The following HTRA1 variants were observed in gnomAD, a reference collection of about 807,000 sequenced individuals.
HTRA1 encodes HtrA serine peptidase 1.
HTRA1 carries 26 observed loss-of-function variants against 49.7 expected under a neutral mutation model. That is an observed-to-expected ratio of 0.52 (90% CI 0.38 to 0.73). The LOEUF (loss-of-function observed/expected upper bound fraction) is 0.73, where lower values mean the gene tolerates loss of function less well. HTRA1 is among the 30% of genes least tolerant of loss of function. HTRA1 has a pLI of 0.00. For synonymous variants in HTRA1, 291 were observed against 286.9 expected, an observed-to-expected ratio of 1.01 and a Z score of -0.14; for missense variants, 561 against 667.2, an observed-to-expected ratio of 0.84 and a Z score of 1.75.
chr10:122,500,495 C>A (rs1163689380), intron 3 of HTRA1, among the ~76,000 whole-genome samples: 1 of 152,180 alleles, frequency 6.6e-6, no homozygotes, highest in Admixed American at 6.5e-5. Flanking sequence ...TCCAGAGAAG[C>A]TAATCAAGTG....
intron 3 of HTRA1, among the ~76,000 whole-genome samples, chr10:122,504,176 T>C (rs2142309): frequency 0.83 from 126,476 of 152,234 alleles, 52,946 homozygotes; most frequent in Non-Finnish European, 0.89. Context: ...CATCCCTGCC[T>C]GGGGGCTCCC....
At chr10:122,485,150 A>G (rs912390134) in intron 1 of HTRA1, among the ~76,000 whole-genome samples, 7 of 152,232 alleles carry the variant, frequency 4.6e-5, no homozygotes, top group Admixed American at 1.3e-4. Flanking sequence ...GCGTTTGGAC[A>G]AGCCAAATAT....
At chr10:122,489,736 A>G (rs2097494895) in intron 3 of HTRA1, 110 bp downstream of exon 3, 2 of 975,842 alleles carry the variant, frequency 2.0e-6, no homozygotes, top group Non-Finnish European at 3.2e-6. Flanking sequence ...CACTGAAGCC[A>G]GTCTGAGCCA....
At chr10:122,507,453 G>A (rs1020646681) in intron 5 of HTRA1, 51 bp downstream of exon 5, 7 of 1,370,988 alleles carry the variant, frequency 5.1e-6, no homozygotes, top group East Asian at 4.6e-5. Flanking sequence ...CTATGTATAC[G>A]CTGTTTTTTG....
intron 2 of HTRA1, among the ~76,000 whole-genome samples, chr10:122,489,207 C>T (rs2097494563): frequency 2.0e-5 from 3 of 152,148 alleles, no homozygotes; most frequent in East Asian, 1.9e-4. Flanking sequence ...TAAAGAACCT[C>T]GGGCTCTGAA....
chr10:122,514,102 G>A, intron 8 of HTRA1, 89 bp from the exon 9 acceptor site: 2 of 1,309,858 alleles, frequency 1.5e-6, no homozygotes, highest in Non-Finnish European at 1.1e-6. Context: ...GGGCTTTTAG[G>A]TTCTAAGCTG....
In HTRA1 at chr10:122,479,633, G is replaced by A. The variant is rs17103575; in HGVS notation, c.473-9269G>A. Among the ~76,000 whole-genome samples, 1,254 of 152,216 alleles carry A rather than the reference G, an allele frequency of 8.2e-3. 42 individuals carry two copies. Among genetic ancestry groups the A allele is most frequent in the Admixed American group, 0.055 (843 of 15,284 alleles). ...CGAGGAGAATGAGATCATCCAGGCC[G>A]GAAGGAAAAGAGACATGAATGCAGG... is the stretch of plus-strand genomic sequence containing the variant. On this transcript the variant is annotated intron_variant, in intron 1 of 8. Coordinates refer to ENST00000368984, the MANE Select transcript of HTRA1 (RefSeq NM_002775.5).
At chr10:122,508,803 G>A (rs775861203) in intron 6 of HTRA1, 33 bp downstream of exon 6, 60 of 1,292,204 alleles carry the variant, frequency 4.6e-5, no homozygotes, top group Middle Eastern at 1.8e-4. Context: ...TGGGGACTCC[G>A]GAGATGGGGC....
At chr10:122,479,489 C>T (rs543257887) in intron 1 of HTRA1, among the ~76,000 whole-genome samples, 2 of 152,176 alleles carry the variant, frequency 1.3e-5, no homozygotes, top group South Asian at 4.2e-4. Flanking sequence ...AATATTTGTG[C>T]CTATTATTGG....
chr10:122,510,972 C>T (rs1016543896), intron 7 of HTRA1, among the ~76,000 whole-genome samples: 2 of 152,196 alleles, frequency 1.3e-5, no homozygotes, highest in African/African-American at 2.4e-5. Context: ...GCCTTTGGAA[C>T]TACGAGGTGT....
At chr10:122,509,322 AG>A (rs952016536) in intron 6 of HTRA1, among the ~76,000 whole-genome samples, 1 of 152,234 alleles carries the variant, frequency 6.6e-6, no homozygotes, top group Non-Finnish European at 1.5e-5. Flanking sequence ...AAAACGGATC[AG>A]GGTGGCCGTC....
At chr10:122,472,746 C>T (rs901546858) in intron 1 of HTRA1, among the ~76,000 whole-genome samples, 2 of 152,122 alleles carry the variant, frequency 1.3e-5, no homozygotes, top group African/African-American at 2.4e-5. Context: ...TAACTGTTCC[C>T]CTGTTCACAT....
chr10:122,467,969 G>A (rs2097484439), intron 1 of HTRA1, among the ~76,000 whole-genome samples: 1 of 152,194 alleles, frequency 6.6e-6, no homozygotes, highest in African/African-American at 2.4e-5. Flanking sequence ...GTAAGTGGCT[G>A]CGAAGAGGCA....
chr10:122,463,445 G>A (rs931211602), intron 1 of HTRA1, among the ~76,000 whole-genome samples: 2 of 152,162 alleles, frequency 1.3e-5, no homozygotes, highest in Admixed American at 6.5e-5. Context: ...TCTGTGTGCC[G>A]GGTGTGTTAC....
chr10:122,514,115 C>T, intron 8 of HTRA1, 76 bp from the exon 9 acceptor site: 1 of 1,399,556 alleles, frequency 7.1e-7, no homozygotes, highest in African/African-American at 1.4e-5. Context: ...CTAAGCTGTG[C>T]CTCTGTCCAT....
At chr10:122,503,510 A>ATC (rs2097501790) in intron 3 of HTRA1, among the ~76,000 whole-genome samples, 2 of 152,158 alleles carry the variant, frequency 1.3e-5, no homozygotes, top group African/African-American at 4.8e-5. Flanking sequence ...CCTGGTCAAC[A>ATC]TCTCTGCCAG....
At chr10:122,471,224 G>C (rs2097485995) in intron 1 of HTRA1, among the ~76,000 whole-genome samples, 1 of 152,118 alleles carries the variant, frequency 6.6e-6, no homozygotes, top group African/African-American at 2.4e-5. Context: ...ATATAGCCCA[G>C]TGTGGTTTAG....
chr10:122,511,335 C>T (rs28542373), intron 7 of HTRA1, among the ~76,000 whole-genome samples: 2 of 151,944 alleles, frequency 1.3e-5, no homozygotes. Flanking sequence ...AGCAACTGTC[C>T]GAGGTCACAC....
intron 1 of HTRA1, among the ~76,000 whole-genome samples, chr10:122,471,786 A>T (rs529211644): frequency 6.6e-6 from 1 of 152,278 alleles, no homozygotes; most frequent in East Asian, 1.9e-4. Flanking sequence ...TCTCAGCCGC[A>T]TCCTCCTGTT....
Sources: gnomAD v4.1 joint callset for allele counts (sites outside exome capture counted in the v4.1 genomes callset) on GRCh38, gnomAD v4.1.1 for gene constraint, MANE v1.5 for transcripts, NCBI Gene and HGNC (gene_info 2026-07-23, HGNC 2026-07-21) for gene names.